GALNTL6: variants seen among roughly 807,000 people sequenced by gnomAD.
GALNTL6 encodes the protein polypeptide N-acetylgalactosaminyltransferase like 6, also known as polypeptide N-acetylgalactosaminyltransferase-like 6.
In GALNTL6, 46 loss-of-function variants were observed where a neutral mutation model predicts 73.7. The observed-to-expected ratio is 0.62, with a 90% CI of 0.49 to 0.80. GALNTL6 has a LOEUF of 0.80. Ranked by LOEUF, GALNTL6 falls within the 30% of genes least tolerant of loss-of-function variation. The pLI is 0.00. For synonymous variants in GALNTL6, 259 were observed against 263.7 expected (o/e 0.98, Z 0.17); for missense variants, 604 against 755.0 (o/e 0.80, Z 2.34).
At chr4:172,582,088 T>C (rs1332474862) in intron 5 of GALNTL6, among the ~76,000 whole-genome samples, 2 of 152,084 alleles carry the variant, frequency 1.3e-5, no homozygotes, top group Non-Finnish European at 2.9e-5. Flanking sequence ...GAGCATGAGC[T>C]CTTGATTTAG....
intron 2 of GALNTL6, among the ~76,000 whole-genome samples, chr4:172,085,519 C>A (rs1732005910): frequency 6.6e-6 from 1 of 151,250 alleles, no homozygotes; most frequent in East Asian, 1.9e-4. Flanking sequence ...GAAAGCCTCT[C>A]TCAAAAATAT....
chr4:172,480,505 A>T (rs1406411516), intron 5 of GALNTL6, among the ~76,000 whole-genome samples: 3 of 152,342 alleles, frequency 2.0e-5, no homozygotes, highest in East Asian at 1.9e-4. Flanking sequence ...AGTAACTACG[A>T]TGTAAAAGAC....
chr4:172,265,359 T>C (rs1738415368), intron 3 of GALNTL6, among the ~76,000 whole-genome samples: 1 of 152,106 alleles, frequency 6.6e-6, no homozygotes, highest in South Asian at 2.1e-4. Context: ...AGCCTTGTAA[T>C]AACAACTCCA....
At chr4:172,583,022 T>C (rs1737253697) in intron 5 of GALNTL6, among the ~76,000 whole-genome samples, 1 of 152,128 alleles carries the variant, frequency 6.6e-6, no homozygotes, top group South Asian at 2.1e-4. Flanking sequence ...ATAGAGAAGT[T>C]ATTTATTTTT....
At chr4:172,816,053 T>C (rs1402682839) in intron 7 of GALNTL6, among the ~76,000 whole-genome samples, 1 of 152,336 alleles carries the variant, frequency 6.6e-6, no homozygotes, top group East Asian at 1.9e-4. Flanking sequence ...CTTCTCTAGC[T>C]GTAAAGCTTT....
chr4:172,972,847 A>T (rs1750644166), intron 10 of GALNTL6, among the ~76,000 whole-genome samples: 1 of 152,238 alleles, frequency 6.6e-6, no homozygotes, highest in East Asian at 1.9e-4. Context: ...AATATACAAA[A>T]TGTTGTAAAT....
At chr4:171,848,439 A>G (rs992488037) in intron 2 of GALNTL6, among the ~76,000 whole-genome samples, 4 of 152,198 alleles carry the variant, frequency 2.6e-5, no homozygotes, top group Non-Finnish European at 5.9e-5. Context: ...ACCTGTAACA[A>G]GAGAGTCAGC....
At chr4:172,843,463 A>G (rs957798666) in intron 7 of GALNTL6, among the ~76,000 whole-genome samples, 5 of 152,202 alleles carry the variant, frequency 3.3e-5, no homozygotes, top group African/African-American at 1.2e-4. Flanking sequence ...TCTCAGCATG[A>G]CAGCTGACAG....
intron 2 of GALNTL6, among the ~76,000 whole-genome samples, chr4:172,074,562 A>G (rs1731647005): frequency 7.1e-6 from 1 of 140,408 alleles, no homozygotes; most frequent in South Asian, 2.2e-4. Context: ...TTTTTTTTTT[A>G]ACATTGGTTA....
At chr4:172,773,489 G>C (rs757685236) in intron 5 of GALNTL6, among the ~76,000 whole-genome samples, 1 of 151,890 alleles carries the variant, frequency 6.6e-6, no homozygotes, top group African/African-American at 2.4e-5. Context: ...TCATATAGTT[G>C]GTCCTTATTT....
intron 5 of GALNTL6, among the ~76,000 whole-genome samples, chr4:172,571,234 G>A (rs1395377982): frequency 6.6e-6 from 1 of 152,146 alleles, no homozygotes; most frequent in Non-Finnish European, 1.5e-5. Flanking sequence ...TTCGGAAGCA[G>A]GAGAAAAAGA....
intron 12 of GALNTL6, among the ~76,000 whole-genome samples, chr4:173,024,886 C>T (rs1032254487): frequency 2.6e-5 from 4 of 152,102 alleles, no homozygotes; most frequent in African/African-American, 9.7e-5. Context: ...GCCTGGAACT[C>T]CCACTTTTTA....
intron 2 of GALNTL6, among the ~76,000 whole-genome samples, chr4:172,154,390 G>A (rs111539312): frequency 0.028 from 4,275 of 151,918 alleles, 181 homozygotes; most frequent in African/African-American, 0.096. Flanking sequence ...GCTCCACCAC[G>A]CCCGGCTAAT....
In GALNTL6 at chr4:172,046,261, C is replaced by T. The variant is rs568875425; in HGVS notation, c.139-183395C>T. On this transcript the variant is annotated intron_variant, in intron 2 of 12. Coordinates refer to ENST00000506823, the MANE Select transcript of GALNTL6 (RefSeq NM_001034845.3). ...ATATTGATTTTAAATCTTTTGGGCA[C>T]GTACCCAGAAGTGAGCTTGTTAAAT... is the stretch of plus-strand genomic sequence containing the variant. Among the ~76,000 whole-genome samples the T allele has an allele frequency of 8.5e-5, 13 of 152,056 alleles. No individual in the cohort carries two copies. The East Asian group carries it at 2.3e-3, about 27-fold the overall frequency.
At chr4:172,623,461 A>C (rs1354542927) in intron 5 of GALNTL6, among the ~76,000 whole-genome samples, 1 of 152,108 alleles carries the variant, frequency 6.6e-6, no homozygotes, top group Non-Finnish European at 1.5e-5. Context: ...ATAAGATAAA[A>C]TAGAAACTAT....
At chr4:171,891,044 G>T (rs368641257) in intron 2 of GALNTL6, among the ~76,000 whole-genome samples, 6 of 150,800 alleles carry the variant, frequency 4.0e-5, no homozygotes, top group Admixed American at 4.0e-4. Flanking sequence ...CTCCTACTCA[G>T]GCTTGCTTAT....
chr4:172,723,521 G>C (rs187282364), intron 5 of GALNTL6, among the ~76,000 whole-genome samples: 1 of 152,152 alleles, frequency 6.6e-6, no homozygotes, highest in Admixed American at 6.5e-5. Flanking sequence ...AGTTACTATT[G>C]TTTTAGTTGA....
At chr4:172,301,627 G>C (rs1236522331) in intron 3 of GALNTL6, among the ~76,000 whole-genome samples, 2 of 152,164 alleles carry the variant, frequency 1.3e-5, no homozygotes, top group African/African-American at 2.4e-5. Context: ...GTTTGCTGGA[G>C]GTCCACTCCA....
At chr4:172,870,051 T>TGTC (rs1744844617) in intron 7 of GALNTL6, among the ~76,000 whole-genome samples, 3 of 136,008 alleles carry the variant, frequency 2.2e-5, no homozygotes, top group Non-Finnish European at 4.7e-5. Flanking sequence ...TGACCTTTAC[T>TGTC]GTCATCATCA....
Sources: allele counts gnomAD v4.1 joint callset (sites outside exome capture counted in the v4.1 genomes callset), GRCh38; gene constraint gnomAD v4.1.1; transcripts MANE v1.5; gene names NCBI Gene and HGNC (gene_info 2026-07-23, HGNC 2026-07-21).